SLC5A5: variants seen among roughly 807,000 people sequenced by gnomAD.
The protein encoded by SLC5A5 is sodium/iodide cotransporter.
Under a neutral mutation model 68.6 loss-of-function variants are expected in SLC5A5, and 56 were observed. The observed-to-expected ratio is 0.82, with a 90% confidence interval of 0.66 to 1.02. The LOEUF (loss-of-function observed/expected upper bound fraction) is 1.02. Ranked by LOEUF, SLC5A5 falls within the 50% of genes least tolerant of loss-of-function variation. SLC5A5 has a pLI of 0.00. For missense variants in SLC5A5, 807 were observed against 859.8 expected (o/e 0.94, Z 0.77); for synonymous variants, 398 against 373.0 (o/e 1.07, Z -0.77).
At chr19:17,880,661 A>G (rs942048034) in intron 7 of SLC5A5, among the ~76,000 whole-genome samples, 1 of 152,132 alleles carries the variant, frequency 6.6e-6, no homozygotes, top group Non-Finnish European at 1.5e-5. Flanking sequence ...ATGGGACTGC[A>G]CTCCCGCCTG....
chr19:17,890,501 C>T (rs1220825726), intron 13 of SLC5A5, among the ~76,000 whole-genome samples: 1 of 152,162 alleles, frequency 6.6e-6, no homozygotes, highest in Non-Finnish European at 1.5e-5. Context: ...AAGCAATCCT[C>T]CTGCCTCAGC....
intron 12 of SLC5A5, among the ~76,000 whole-genome samples, 167 bp from the exon 13 acceptor site, chr19:17,888,164 G>C (rs147041338): frequency 6.6e-6 from 1 of 152,162 alleles, no homozygotes; most frequent in Non-Finnish European, 1.5e-5. Context: ...TGGGATACCT[G>C]GAGGGAAGGA....
intron 7 of SLC5A5, among the ~76,000 whole-genome samples, chr19:17,878,971 T>G (rs1219463309): frequency 2.4e-5 from 2 of 83,488 alleles, no homozygotes; most frequent in African/African-American, 5.0e-5. Context: ...AGAGACTCCA[T>G]CTCAAAAAAA....
chr19:17,873,272 C>A (rs917035187), intron 1 of SLC5A5, among the ~76,000 whole-genome samples: 2 of 151,866 alleles, frequency 1.3e-5, no homozygotes, highest in African/African-American at 4.8e-5. Context: ...ACCAGCCTGG[C>A]CAACATGGCG....
chr19:17,880,236 A>G (rs1157093196), intron 7 of SLC5A5, among the ~76,000 whole-genome samples: 3 of 128,076 alleles, frequency 2.3e-5, no homozygotes, highest in Non-Finnish European at 4.9e-5. Flanking sequence ...TTTTTTTGAG[A>G]CAGAGTTTGG....
Position 17,888,393 on chromosome 19 carries a change from A to G in SLC5A5, c.1589A>G (p.Tyr530Cys). 2 of 1,613,926 alleles carry G rather than the reference A, an allele frequency of 1.2e-6. No homozygotes were observed. Among genetic ancestry groups the G allele is most frequent in the Non-Finnish European group, 8.5e-7 (1 of 1,179,988 alleles). The change falls in exon 13 of 15, where the codon TAT becomes TGT. Residue 530 changes from tyrosine to cysteine, a missense_variant. Transcript: ENST00000222248. ...ADSFYAISYLYYGALGTLTTV... is the reference protein window; with the variant it reads ...ADSFYAISYLCYGALGTLTTV... ...AGCTTCTATGCCATCTCCTATCTCT[A>G]TTACGGTGCCCTGGGCACGCTGACC... is the stretch of plus-strand genomic sequence containing the variant.
chr19:17,888,488 A>T (rs1356887181), intron 13 of SLC5A5, 33 bp downstream of exon 13: 15 of 1,611,854 alleles, frequency 9.3e-6, no homozygotes, highest in Non-Finnish European at 1.3e-5. Context: ...CTCAGAGGTC[A>T]TCCCATTCAT....
intron 12 of SLC5A5, among the ~76,000 whole-genome samples, chr19:17,885,538 T>C (rs529437305): frequency 3.3e-5 from 5 of 151,720 alleles, no homozygotes; most frequent in Non-Finnish European, 7.4e-5. Flanking sequence ...ATCACCATGC[T>C]GGGCTAAATT....
At position 17,872,621 on chromosome 19, in the gene SLC5A5, C is replaced by T. The variant is rs1245782403; in HGVS notation, c.302C>T (p.Thr101Ile). ...GGCCAGCTTCTGAACTCGGTCCTCA[C>T]CGCCCTGCTCTTCATGCCCGTCTTC... is the stretch of plus-strand genomic sequence containing the variant. ...CLGQLLNSVL[T>I]ALLFMPVFYR... The change falls in exon 1 of 15, where the codon ACC (threonine) becomes ATC (isoleucine). Residue 101 changes from threonine to isoleucine, a missense_variant. By Grantham distance (89) the Thr-to-Ile change is moderately conservative (BLOSUM62 -1). Coordinates refer to ENST00000222248, the MANE Select transcript of SLC5A5 (RefSeq NM_000453.3). 6.2e-7 allele frequency: 1 copy of T among 1,611,702 alleles called. No homozygotes were observed. Among genetic ancestry groups the T allele is most frequent in the African/African-American group, 1.3e-5 (1 of 74,930 alleles).
rs1398261976 is a variant in SLC5A5, at chr19:17,890,984, G to T, written c.1750G>T (p.Asp584Tyr). ...VAPKEEVAIL[D>Y]DNLVKGPEEL... ...CCCCAAGGAAGAAGTGGCCATCCTG[G>T]ATGACAACTTGGTCAAGGTCAGTCT... Residue 584 changes from aspartate to tyrosine, a missense_variant, in exon 14 of 15, where the codon GAT becomes TAT. Physicochemically the swap from Asp to Tyr is radical, Grantham distance 160. Transcript: ENST00000222248. 12 of 1,611,716 alleles carry T rather than the reference G, an allele frequency of 7.4e-6. No homozygotes were observed. The highest frequency in any genetic ancestry group is 1.0e-5 in the Non-Finnish European group (12 of 1,177,930).
At chr19:17,887,647 G>T (rs2029972132) in intron 12 of SLC5A5, among the ~76,000 whole-genome samples, 1 of 150,018 alleles carries the variant, frequency 6.7e-6, no homozygotes. Flanking sequence ...GCCCAGGCTG[G>T]AGTGCAATGG....
In SLC5A5 at chr19:17,882,002, A is replaced by G. The variant is rs1192311974; in HGVS notation, c.1101A>G (p.Val367=). 6.2e-7 allele frequency: 1 copy of G among 1,614,178 alleles called. No individual in the cohort carries two copies. The highest frequency in any genetic ancestry group is 1.7e-5 in the Admixed American group (1 of 60,020). The change falls in exon 9 of 15, where the codon GTA becomes GTG. Residue 367 remains valine (V), a synonymous_variant. Coordinates refer to ENST00000222248, the MANE Select transcript of SLC5A5 (RefSeq NM_000453.3). ...TCAATGCTATGGCTGCAGTCACTGT[A>G]GAAGACCTCATCAAACCTCGGCTGC... ...TSINAMAAVT[V]EDLIKPRLRS... is the part of the protein sequence containing the mutation.
At chr19:17,881,240 G>C (rs2094320062) in intron 8 of SLC5A5, among the ~76,000 whole-genome samples, 1 of 151,678 alleles carries the variant, frequency 6.6e-6, no homozygotes, top group Non-Finnish European at 1.5e-5. Context: ...AATATTTGTT[G>C]AACATCTACT....
At chr19:17,873,306 C>CA (rs1398046929) in intron 1 of SLC5A5, among the ~76,000 whole-genome samples, 2 of 151,788 alleles carry the variant, frequency 1.3e-5, no homozygotes, top group African/African-American at 4.8e-5. Flanking sequence ...ACTAAAAATA[C>CA]AAAAATTAGC....
chr19:17,877,074 G>A (rs1039399723), intron 5 of SLC5A5, among the ~76,000 whole-genome samples: 12 of 150,518 alleles, frequency 8.0e-5, no homozygotes, highest in African/African-American at 2.4e-4. Context: ...CCTTTGTGCC[G>A]TGGGATGGTA....
chr19:17,874,668 C>G lies in SLC5A5; in HGVS notation c.480C>G (p.Thr160=). The change falls in exon 4 of 15, where the codon ACC becomes ACG. Residue 160 remains threonine (T), a synonymous_variant. Coordinates refer to ENST00000222248, the MANE Select transcript of SLC5A5 (RefSeq NM_000453.3). ...YAPALILNQV[T]GLDIWASLLS... ...GGGGGACCTCTTTTTGCATAGTGAC[C>G]GGGCTGGACATCTGGGCGTCGCTCC... 6.2e-7 allele frequency: 1 copy of G among 1,614,128 alleles called. No homozygotes were observed. The highest frequency in any genetic ancestry group is 8.5e-7 in the Non-Finnish European group (1 of 1,180,038).
At chr19:17,888,260 G>C in intron 12 of SLC5A5, 71 bp from the exon 13 acceptor site, 1 of 1,592,108 alleles carries the variant, frequency 6.3e-7, no homozygotes, top group Non-Finnish European at 8.6e-7. Flanking sequence ...CAGGGGGTGA[G>C]GTTGGAACAG....
chr19:17,878,181 A>G (rs917478860), intron 7 of SLC5A5, 88 bp downstream of exon 7: 2 of 1,482,334 alleles, frequency 1.3e-6, no homozygotes, highest in Non-Finnish European at 9.3e-7. Context: ...AGCAGAGGGA[A>G]TGGCCTGTGC....
Position 17,893,786 on chromosome 19 carries a change from T to C in SLC5A5, c.1841T>C (p.Phe614Ser). Reference protein sequence around the residue: ...FLPTNEDRLFFLGQKELEGAG... With the variant: ...FLPTNEDRLFSLGQKELEGAG... ...CCCACCAATGAGGATCGTCTGTTTT[T>C]CTTGGGGCAGAAGGAGCTGGAGGGG... The change falls in exon 15 of 15, where the codon TTC becomes TCC. Residue 614 changes from phenylalanine to serine, a missense_variant. Physicochemically the swap from Phe to Ser is radical, Grantham distance 155 (BLOSUM62 -2). Coordinates refer to ENST00000222248, the MANE Select transcript of SLC5A5 (RefSeq NM_000453.3). 6.2e-7 allele frequency: 1 copy of C among 1,613,208 alleles called. No individual in the cohort carries two copies. The highest frequency in any genetic ancestry group is 2.2e-5 in the East Asian group (1 of 44,872).
Sources: allele counts gnomAD v4.1 joint callset (sites outside exome capture counted in the v4.1 genomes callset), GRCh38; gene constraint gnomAD v4.1.1; transcripts MANE v1.5; gene names NCBI Gene and HGNC (gene_info 2026-07-23, HGNC 2026-07-21).